PDSS2: variants seen among roughly 807,000 people sequenced by gnomAD.
PDSS2 encodes the protein decaprenyl diphosphate synthase subunit 2.
Under a neutral mutation model 44.5 loss-of-function variants are expected in PDSS2, and 31 were observed. The ratio of observed to expected loss-of-function variants is 0.70; its 90% CI spans 0.52 to 0.94. PDSS2 has a LOEUF of 0.94. Ranked by LOEUF, PDSS2 falls within the 40% of genes least tolerant of loss-of-function variation. The pLI is 0.00. For missense variants in PDSS2, 452 were observed against 482.2 expected (o/e 0.94, Z 0.59); for synonymous variants, 157 against 180.3 (o/e 0.87, Z 1.03).
rs1184094838 is a variant in PDSS2, at chr6:107,458,421, A to AAAAAAAAAAAAT, written c.296+568_296+569insATTTTTTTTTTT. ...AAGCGAGACTCCGTCTCAAAAAAAA[A>AAAAAAAAAAAAT]AAAAAAAAAAACTTTTATAAATCCT... On this transcript the variant is annotated intron_variant, in intron 1 of 7. Coordinates refer to ENST00000369037, the MANE Select transcript of PDSS2 (RefSeq NM_020381.4). Among the ~76,000 whole-genome samples, 2 of 99,650 alleles carry AAAAAAAAAAAAT rather than the reference A, an allele frequency of 2.0e-5. 1 individual carries two copies. The highest frequency in any genetic ancestry group is 4.6e-5 in the Non-Finnish European group (2 of 43,856). 65.4% of individuals were successfully genotyped at this position (99,650 alleles called of 152,430 possible).
At chr6:107,164,342 G>T (rs1287453342) in intron 7 of PDSS2, among the ~76,000 whole-genome samples, 1 of 152,044 alleles carries the variant, frequency 6.6e-6, no homozygotes, top group Non-Finnish European at 1.5e-5. Context: ...ACAGGCCCTG[G>T]TGTGTGATGT....
chr6:107,393,580 T>C (rs932950630), intron 1 of PDSS2, among the ~76,000 whole-genome samples: 2 of 152,220 alleles, frequency 1.3e-5, no homozygotes, highest in Non-Finnish European at 2.9e-5. Context: ...ACTTGTTCTA[T>C]TAATTGTTAA....
intron 7 of PDSS2, among the ~76,000 whole-genome samples, chr6:107,183,468 C>T (rs1379376000): frequency 2.6e-5 from 4 of 152,048 alleles, no homozygotes; most frequent in East Asian, 1.9e-4. Flanking sequence ...GAGGTCGAAG[C>T]GGATGGATCA....
At chr6:107,188,169 G>T (rs1772240601) in intron 7 of PDSS2, among the ~76,000 whole-genome samples, 1 of 152,168 alleles carries the variant, frequency 6.6e-6, no homozygotes, top group African/African-American at 2.4e-5. Flanking sequence ...TTTGAGTTCA[G>T]GAGTTCGAGA....
chr6:107,170,977 A>G (rs1390728810), intron 7 of PDSS2, among the ~76,000 whole-genome samples: 1 of 152,106 alleles, frequency 6.6e-6, no homozygotes, highest in Non-Finnish European at 1.5e-5. Flanking sequence ...TAAAACCAAC[A>G]AGCGTTTATT....
At chr6:107,164,564 C>G in intron 7 of PDSS2, among the ~76,000 whole-genome samples, 1 of 152,164 alleles carries the variant, frequency 6.6e-6, no homozygotes, top group Non-Finnish European at 1.5e-5. Flanking sequence ...TCCAGTCTAT[C>G]ATTGATGGAC....
intron 1 of PDSS2, among the ~76,000 whole-genome samples, chr6:107,424,364 C>A: frequency 6.6e-6 from 1 of 152,092 alleles, no homozygotes; most frequent in East Asian, 1.9e-4. Flanking sequence ...CATTAAACTG[C>A]ATCATTATTT....
intron 1 of PDSS2, among the ~76,000 whole-genome samples, chr6:107,334,709 TA>T (rs55678823): frequency 0.013 from 1,514 of 119,142 alleles, 26 homozygotes; most frequent in African/African-American, 0.04. Context: ...CTCAGCTAAT[TA>T]AAAAAAAAAA....
chr6:107,392,761 G>A (rs187040061), intron 1 of PDSS2, among the ~76,000 whole-genome samples: 10 of 152,162 alleles, frequency 6.6e-5, no homozygotes, highest in East Asian at 3.9e-4. Flanking sequence ...CTCCTTCAAC[G>A]TTCCCTTCAA....
rs79191580 is a variant in PDSS2 at position 107,302,334 on chromosome 6, T to G, written c.432-28107A>C. ...TACCCAGGCTGGAGTGGTACAGTAG[T>G]GTGATCATAGCCTACTGCAGCCTCA... On this transcript the variant is annotated intron_variant, in intron 2 of 7. Coordinates refer to ENST00000369037, the MANE Select transcript of PDSS2 (RefSeq NM_020381.4). Among the ~76,000 whole-genome samples the G allele has an allele frequency of 0.015, 2,259 of 151,908 alleles. 119 individuals carry two copies. The East Asian group carries it at 0.19, about 13-fold the overall frequency.
chr6:107,261,928 A>G (rs1437982858), intron 3 of PDSS2, among the ~76,000 whole-genome samples: 1 of 83,606 alleles, frequency 1.2e-5, no homozygotes, highest in Non-Finnish European at 2.2e-5. Flanking sequence ...TTTTTTTTTG[A>G]GATGGAGTCT....
intron 1 of PDSS2, among the ~76,000 whole-genome samples, chr6:107,417,420 T>G (rs907565276): frequency 6.6e-6 from 1 of 152,228 alleles, no homozygotes; most frequent in African/African-American, 2.4e-5. Flanking sequence ...AAAAAATGTT[T>G]ATAATTTTAG....
At chr6:107,238,873 T>C (rs1000804536) in intron 4 of PDSS2, among the ~76,000 whole-genome samples, 2 of 152,202 alleles carry the variant, frequency 1.3e-5, no homozygotes, top group African/African-American at 4.8e-5. Context: ...AATACTCTTC[T>C]TGATTTAAGA....
intron 3 of PDSS2, among the ~76,000 whole-genome samples, chr6:107,256,555 A>G (rs1366731937): frequency 6.6e-6 from 1 of 152,160 alleles, no homozygotes; most frequent in Non-Finnish European, 1.5e-5. Context: ...AAATAAAATC[A>G]TGATTCGTGT....
At chr6:107,414,808 A>G (rs145994081) in intron 1 of PDSS2, among the ~76,000 whole-genome samples, 22 of 152,354 alleles carry the variant, frequency 1.4e-4, no homozygotes, top group African/African-American at 5.0e-4. Context: ...GACAGCAAGA[A>G]GGGTTAGGAA....
chr6:107,192,512 C>T, intron 7 of PDSS2: 1 of 377,470 alleles, frequency 2.6e-6, no homozygotes, highest in South Asian at 2.2e-5. Flanking sequence ...CCTAGTAAAT[C>T]TGTAAGAAAA....
At chr6:107,254,922 G>C (rs1252185653) in intron 3 of PDSS2, among the ~76,000 whole-genome samples, 1 of 151,800 alleles carries the variant, frequency 6.6e-6, no homozygotes, top group African/African-American at 2.4e-5. Context: ...GGAGTGTAGT[G>C]GTGTGATCTC....
chr6:107,235,879 T>C (rs1002725724), intron 4 of PDSS2, among the ~76,000 whole-genome samples: 12 of 152,062 alleles, frequency 7.9e-5, no homozygotes, highest in Non-Finnish European at 1.8e-4. Flanking sequence ...TCTGCTTGAA[T>C]GCACACCAAC....
At chr6:107,423,077 T>TA (rs1457420962) in intron 1 of PDSS2, among the ~76,000 whole-genome samples, 1 of 152,124 alleles carries the variant, frequency 6.6e-6, no homozygotes, top group African/African-American at 2.4e-5. Context: ...AAAAAAAGCC[T>TA]GACCAGGGTG....
Sources: gnomAD v4.1 joint callset for allele counts (sites outside exome capture counted in the v4.1 genomes callset) on GRCh38, gnomAD v4.1.1 for gene constraint, MANE v1.5 for transcripts, NCBI Gene and HGNC (gene_info 2026-07-23, HGNC 2026-07-21) for gene names.